The following DNAH6 variants were observed in gnomAD, a reference collection of about 807,000 sequenced individuals.
DNAH6 encodes the protein axonemal beta dynein heavy chain 6.
A neutral mutation model predicts 491.4 loss-of-function variants in DNAH6; 340 were observed. The observed-to-expected ratio is 0.69, with a 90% CI of 0.63 to 0.76. The LOEUF (loss-of-function observed/expected upper bound fraction) is 0.76, where lower values mean the gene tolerates loss of function less well. DNAH6 is among the 30% of genes least tolerant of loss of function. The pLI is 0.00. For synonymous variants in DNAH6, 1,603 were observed against 1,686.1 expected (o/e 0.95, Z 1.21); for missense variants, 4,443 against 4,972.2 (o/e 0.89, Z 3.20).
chr2:84,755,250 CCT>C (rs1398066269), intron 63 of DNAH6, among the ~76,000 whole-genome samples: 1 of 152,176 alleles, frequency 6.6e-6, no homozygotes, highest in Non-Finnish European at 1.5e-5. Flanking sequence ...CAAGTTTGGG[CCT>C]CTCTTGCTGT....
rs1182570591 is a variant in DNAH6, at chr2:84,707,518, A to T, written c.8852-2A>T. ...AATCTGATTTTCTTAAAATTTTTCTAGCAAAGACCATGGCCCTGACAAAAG... is the reference window on the plus strand; with the variant it reads ...AATCTGATTTTCTTAAAATTTTTCTTGCAAAGACCATGGCCCTGACAAAAG... On this transcript the variant is annotated splice_acceptor_variant, in intron 53 of 76. Transcript: ENST00000389394. LOFTEE classifies it high-confidence loss of function. The T allele has an allele frequency of 6.5e-7, 1 of 1,542,570 alleles. No homozygotes were observed. Among genetic ancestry groups the T allele is most frequent in the East Asian group, 2.4e-5 (1 of 40,870 alleles).
the DNAH6 span, among the ~76,000 whole-genome samples, chr2:84,506,374 A>C: frequency 1.3e-5 from 2 of 152,180 alleles, no homozygotes; most frequent in Non-Finnish European, 2.9e-5. Context: ...TCTTTTGAGA[A>C]GTATCTGTTC....
intron 70 of DNAH6, among the ~76,000 whole-genome samples, chr2:84,803,418 A>G (rs920079103): frequency 2.0e-5 from 3 of 152,214 alleles, no homozygotes; most frequent in Non-Finnish European, 4.4e-5. Context: ...ATATCCGTGT[A>G]ACAAATGTGC....
the DNAH6 span, among the ~76,000 whole-genome samples, chr2:84,493,319 A>G: frequency 1.3e-5 from 2 of 152,120 alleles, no homozygotes; most frequent in African/African-American, 2.4e-5. Flanking sequence ...TGAAACTCAC[A>G]TTTTCACTTA....
At chr2:84,517,193 G>C (rs1398776890) in intron 1 of DNAH6, among the ~76,000 whole-genome samples, 1 of 152,126 alleles carries the variant, frequency 6.6e-6, no homozygotes, top group African/African-American at 2.4e-5. Flanking sequence ...TGGGGTGAAA[G>C]TGTGCGTGGT....
At chr2:84,568,353 A>C (rs1212534213) in intron 11 of DNAH6, among the ~76,000 whole-genome samples, 3 of 152,248 alleles carry the variant, frequency 2.0e-5, no homozygotes, top group African/African-American at 7.2e-5. Context: ...GATAAAGAAA[A>C]TGTGATATAT....
intron 20 of DNAH6, 83 bp downstream of exon 20, chr2:84,605,675 G>A (rs1685689720): frequency 4.5e-6 from 4 of 897,384 alleles, no homozygotes; most frequent in South Asian, 1.8e-5. Flanking sequence ...ATTATGATGA[G>A]GGAATAAAAC....
chr2:84,802,014 G>A (rs1438082138), intron 70 of DNAH6, among the ~76,000 whole-genome samples: 2 of 152,114 alleles, frequency 1.3e-5, no homozygotes, highest in Non-Finnish European at 2.9e-5. Context: ...AATCACTGAG[G>A]GAATTTGGCA....
intron 30 of DNAH6, among the ~76,000 whole-genome samples, chr2:84,635,588 G>GT (rs1558830569): frequency 1.3e-5 from 2 of 152,170 alleles, no homozygotes; most frequent in Admixed American, 1.3e-4. Flanking sequence ...AGTATATGGA[G>GT]TAAGGGGACA....
At chr2:84,763,331 C>T (rs1674765890) in intron 64 of DNAH6, among the ~76,000 whole-genome samples, 1 of 151,988 alleles carries the variant, frequency 6.6e-6, no homozygotes, top group Non-Finnish European at 1.5e-5. Context: ...TTTCATGAGT[C>T]TTCACTCTTC....
chr2:84,715,446 C>T (rs1008885476), intron 57 of DNAH6, 114 bp from the exon 58 acceptor site: 2 of 903,984 alleles, frequency 2.2e-6, no homozygotes, highest in Non-Finnish European at 3.4e-6. Flanking sequence ...GGTGTGTGTG[C>T]AATTAGACCT....
At chr2:84,767,108 CAG>C (rs1285715650) in intron 64 of DNAH6, among the ~76,000 whole-genome samples, 1 of 152,088 alleles carries the variant, frequency 6.6e-6, no homozygotes, top group Non-Finnish European at 1.5e-5. Flanking sequence ...CTATTAGAAA[CAG>C]AGCACAGAGT....
Position 84,588,855 on chromosome 2 carries a change from C to T in DNAH6, c.2511C>T (p.Asp837=). The change falls in exon 16 of 77, where the codon GAC becomes GAT. Residue 837 remains aspartate, a synonymous_variant. Coordinates refer to ENST00000389394, the MANE Select transcript of DNAH6 (RefSeq NM_001370.2). ...QDPQILDISA[D]QDKIRLILNN... ...CACAGATTTTAGATATCTCTGCTGA[C>T]CAAGACAAAATAAGGCTCATATTGA... 6.5e-7 allele frequency: 1 copy of T among 1,549,718 alleles called. No individual in the cohort carries two copies.
chr2:84,630,556 T>C (rs967526679), intron 29 of DNAH6, among the ~76,000 whole-genome samples: 1 of 152,156 alleles, frequency 6.6e-6, no homozygotes, highest in African/African-American at 2.4e-5. Flanking sequence ...CTTACAGACC[T>C]TCAAAAATAA....
intron 12 of DNAH6, among the ~76,000 whole-genome samples, chr2:84,575,838 C>A (rs528780700): frequency 1.8e-3 from 278 of 152,204 alleles, no homozygotes; most frequent in Non-Finnish European, 3.1e-3. Context: ...GAGCCGAGAT[C>A]GCGCCGCTGC....
chr2:84,519,390 T>C (rs1157515712), intron 2 of DNAH6, among the ~76,000 whole-genome samples: 1 of 152,084 alleles, frequency 6.6e-6, no homozygotes, highest in Non-Finnish European at 1.5e-5. Flanking sequence ...ATGAATAAAA[T>C]AATTCATACA....
chr2:84,792,873 A>G (rs1390827432), intron 68 of DNAH6, among the ~76,000 whole-genome samples: 1 of 152,216 alleles, frequency 6.6e-6, no homozygotes, highest in Admixed American at 6.5e-5. Context: ...AGGAGAGAAT[A>G]AACAGAGAAA....
Position 84,550,019 on chromosome 2 carries a change from T to C in DNAH6, c.1447T>C (p.Trp483Arg), listed in dbSNP as rs1679172690. ...RTPSADVIQK[W>R]ITEEKPEVPD... ...ACCTTCAGCAGATGTCATTCAGAAA[T>C]GGATTACTGAAGAGAAGCCTGAAGT... is the stretch of plus-strand genomic sequence containing the variant. Residue 483 changes from tryptophan (W) to arginine (R), a missense_variant, in exon 9 of 77, where the codon TGG becomes CGG. Trp to Arg is a moderately radical substitution (Grantham distance 101). This residue lies in a region of DNAH6 where 2,977 missense variants were observed against 3,296.6 expected (regional missense o/e 0.90). Coordinates refer to ENST00000389394, the MANE Select transcript of DNAH6 (RefSeq NM_001370.2). 6.2e-7 allele frequency: 1 copy of C among 1,613,804 alleles called. No individual in the cohort carries two copies. The highest frequency in any genetic ancestry group is 8.5e-7 in the Non-Finnish European group (1 of 1,179,910).
intron 70 of DNAH6, among the ~76,000 whole-genome samples, chr2:84,800,949 A>G (rs2105301497): frequency 6.6e-6 from 1 of 152,030 alleles, no homozygotes; most frequent in South Asian, 2.1e-4. Flanking sequence ...CTTTGTAGGG[A>G]CATGGATGAA....
Sources: gnomAD v4.1 joint callset for allele counts (sites outside exome capture counted in the v4.1 genomes callset) on GRCh38, gnomAD v4.1.1 for gene constraint, gnomAD v4.1.1 regional missense constraint, MANE v1.5 for transcripts, NCBI Gene and HGNC (gene_info 2026-07-23, HGNC 2026-07-21) for gene names.